ZNF722: variants seen among roughly 807,000 people sequenced by gnomAD.
ZNF722 encodes the protein zinc finger protein 722.
the ZNF722 span, chr7:63,998,908 G>C: frequency 7.5e-6 from 11 of 1,467,096 alleles, no homozygotes; most frequent in South Asian, 1.3e-4. Flanking sequence ...TGCATTCTCT[G>C]CTCCTAGAGG....
At chr7:64,006,610 CT>C in the ZNF722 span, among the ~76,000 whole-genome samples, 1 of 152,184 alleles carries the variant, frequency 6.6e-6, no homozygotes, top group Non-Finnish European at 1.5e-5. Context: ...TTTGCCATAG[CT>C]TTTGGGGACA....
chr7:64,003,984 G>C, the ZNF722 span, among the ~76,000 whole-genome samples: 1 of 152,108 alleles, frequency 6.6e-6, no homozygotes, highest in African/African-American at 2.4e-5. Context: ...TTCTGAAAAA[G>C]CTATAAGGAG....
the ZNF722 span, chr7:64,015,097 T>C: frequency 7.8e-6 from 11 of 1,417,340 alleles, no homozygotes; most frequent in East Asian, 2.3e-5. Context: ...CAAAAAGTAA[T>C]ACCAAGAACA....
At chr7:64,002,793 T>G in the ZNF722 span, among the ~76,000 whole-genome samples, 1 of 152,214 alleles carries the variant, frequency 6.6e-6, no homozygotes, top group Admixed American at 6.6e-5. Context: ...ACTCAGATAT[T>G]GCTGTCTTCT....
chr7:64,015,799 G>T, the ZNF722 span: 53 of 1,610,986 alleles, frequency 3.3e-5, no homozygotes, highest in African/African-American at 4.1e-4. Flanking sequence ...ACACATAAGA[G>T]AATTCATACT....
chr7:64,017,819 GT>G, the ZNF722 span, among the ~76,000 whole-genome samples: 14 of 151,922 alleles, frequency 9.2e-5, no homozygotes, highest in East Asian at 1.4e-3. Context: ...CAAAGAAGTA[GT>G]TTTTTTTGGA....
At chr7:64,014,766 G>A in the ZNF722 span, among the ~76,000 whole-genome samples, 1 of 152,142 alleles carries the variant, frequency 6.6e-6, no homozygotes, top group Non-Finnish European at 1.5e-5. Flanking sequence ...TTGGGCAAAT[G>A]TAGCAGACTT....
chr7:64,000,065 A>G, the ZNF722 span, among the ~76,000 whole-genome samples: 2 of 151,840 alleles, frequency 1.3e-5, no homozygotes, highest in African/African-American at 4.8e-5. Flanking sequence ...ACCTCAGCCT[A>G]ATTACCTACT....
the ZNF722 span, among the ~76,000 whole-genome samples, chr7:64,010,137 T>G: frequency 6.6e-6 from 1 of 152,182 alleles, no homozygotes; most frequent in Non-Finnish European, 1.5e-5. Context: ...CTCTCTTTTA[T>G]TCTTTATTAG....
the ZNF722 span, among the ~76,000 whole-genome samples, chr7:64,012,050 C>T: frequency 6.6e-6 from 1 of 152,138 alleles, no homozygotes. Flanking sequence ...CCCTTTCTTT[C>T]ACTTGATTGA....
the ZNF722 span, among the ~76,000 whole-genome samples, chr7:64,004,918 C>A: frequency 6.6e-5 from 10 of 152,094 alleles, no homozygotes; most frequent in Non-Finnish European, 1.2e-4. Context: ...AAAATCTGCA[C>A]AAGATGTTTA....
chr7:64,015,196 A>G, the ZNF722 span: 2 of 1,291,014 alleles, frequency 1.5e-6, no homozygotes, highest in African/African-American at 2.9e-5. Context: ...GGTTATAATG[A>G]AGTTAAGCAA....
At chr7:64,015,989 G>A in the ZNF722 span, 9 of 1,002,716 alleles carry the variant, frequency 9.0e-6, no homozygotes, top group African/African-American at 8.1e-5. Flanking sequence ...AACACTACAA[G>A]TGTAGAGAAT....
chr7:64,013,518 TA>T, the ZNF722 span, among the ~76,000 whole-genome samples: 16 of 149,268 alleles, frequency 1.1e-4, no homozygotes, highest in South Asian at 4.2e-4. Context: ...TTTAAACTGG[TA>T]AAAAAAAAAT....
chr7:64,015,302 T>C, the ZNF722 span: 3 of 1,268,136 alleles, frequency 2.4e-6, no homozygotes, highest in African/African-American at 2.9e-5. Flanking sequence ...AAACAAGATA[T>C]ACTGGAAAGA....
At chr7:64,007,812 C>T in the ZNF722 span, among the ~76,000 whole-genome samples, 15 of 152,240 alleles carry the variant, frequency 9.9e-5, no homozygotes, top group African/African-American at 3.1e-4. Flanking sequence ...CTTGAGGAAT[C>T]GCCACACTGT....
chr7:64,007,465 C>T, the ZNF722 span, among the ~76,000 whole-genome samples: 1 of 151,964 alleles, frequency 6.6e-6, no homozygotes, highest in Admixed American at 6.6e-5. Context: ...CTGTTCAATT[C>T]CCACCTATGA....
At chr7:64,008,766 T>C in the ZNF722 span, among the ~76,000 whole-genome samples, 26 of 152,326 alleles carry the variant, frequency 1.7e-4, no homozygotes, top group South Asian at 5.4e-3. Context: ...AGTAGTTTTT[T>C]CCAGTTCTGC....
At chr7:64,007,068 C>T in the ZNF722 span, among the ~76,000 whole-genome samples, 1 of 151,504 alleles carries the variant, frequency 6.6e-6, no homozygotes, top group Non-Finnish European at 1.5e-5. Flanking sequence ...AATTTCTTTA[C>T]ATCATCAACA....
Sources: allele counts gnomAD v4.1 joint callset (sites outside exome capture counted in the v4.1 genomes callset), GRCh38; gene constraint gnomAD v4.1.1; transcripts MANE v1.5; gene names NCBI Gene and HGNC (gene_info 2026-07-23, HGNC 2026-07-21).